The following NTN1 variants were observed in gnomAD, a reference collection of about 807,000 sequenced individuals.
NTN1 encodes netrin 1, also known as netrin-1.
NTN1 carries 11 observed loss-of-function variants against 54.2 expected under a neutral mutation model. The ratio of observed to expected loss-of-function variants is 0.20; its 90% CI spans 0.13 to 0.34. NTN1 has a LOEUF of 0.34. NTN1 is among the 10% of genes least tolerant of loss of function. The pLI is 1.00. For missense variants in NTN1, 740 were observed against 893.1 expected, an observed-to-expected ratio of 0.83 and a Z score of 2.18; for synonymous variants, 371 against 382.0, an observed-to-expected ratio of 0.97 and a Z score of 0.33.
intron 2 of NTN1, among the ~76,000 whole-genome samples, chr17:9,122,267 C>A (rs900491203): frequency 7.9e-5 from 12 of 152,290 alleles, no homozygotes; most frequent in Middle Eastern, 6.8e-3. Context: ...ATCTCCTGAC[C>A]TCATGATCCG....
chr17:9,117,256 C>T (rs1329561263), intron 2 of NTN1, among the ~76,000 whole-genome samples: 1 of 152,138 alleles, frequency 6.6e-6, no homozygotes. Flanking sequence ...GAAGGAGCTG[C>T]CTGGTGGCAG....
intron 6 of NTN1, among the ~76,000 whole-genome samples, chr17:9,224,977 TG>T (rs1310998585): frequency 6.6e-6 from 1 of 152,188 alleles, no homozygotes; most frequent in African/African-American, 2.4e-5. Flanking sequence ...GTTCCAGGAC[TG>T]TTCCTGGGAC....
At chr17:9,090,171 T>C (rs960442091) in intron 2 of NTN1, among the ~76,000 whole-genome samples, 2 of 151,796 alleles carry the variant, frequency 1.3e-5, no homozygotes, top group Admixed American at 6.6e-5. Context: ...TCATCTTTTT[T>C]TTTTTCTTTT....
chr17:9,028,822 AC>A (rs1353434109), intron 2 of NTN1, among the ~76,000 whole-genome samples: 1 of 152,216 alleles, frequency 6.6e-6, no homozygotes, highest in African/African-American at 2.4e-5. Context: ...GATGGCTTCT[AC>A]GGTGTCTGCA....
At chr17:9,142,082 G>A (rs777429152) in intron 2 of NTN1, among the ~76,000 whole-genome samples, 7 of 152,044 alleles carry the variant, frequency 4.6e-5, no homozygotes, top group Non-Finnish European at 7.4e-5. Flanking sequence ...AGCCGAGATC[G>A]TGCCACTGCA....
rs117315393 is a variant in NTN1 at position 9,062,522 on chromosome 17, G to A, written c.1018+39131G>A. On this transcript the variant is annotated intron_variant, in intron 2 of 6. Coordinates refer to ENST00000173229, the MANE Select transcript of NTN1 (RefSeq NM_004822.3). ...TCCTCCAGGTGTGCACTTAACACTCGCTTCTTTGCAGCCAGGGGAACCTTT... is the reference window on the plus strand; with the variant it reads ...TCCTCCAGGTGTGCACTTAACACTCACTTCTTTGCAGCCAGGGGAACCTTT... 6.1e-3 allele frequency among the ~76,000 whole-genome samples: 931 copies of A among 152,140 alleles called. 5 individuals are homozygous for A. The highest frequency in any genetic ancestry group is 9.2e-3 in the Non-Finnish European group (624 of 67,996).
At chr17:9,071,294 T>C (rs1024030020) in intron 2 of NTN1, among the ~76,000 whole-genome samples, 1 of 152,034 alleles carries the variant, frequency 6.6e-6, no homozygotes, top group Non-Finnish European at 1.5e-5. Flanking sequence ...TTCTCAAGCA[T>C]TTAAAGGGAA....
intron 2 of NTN1, among the ~76,000 whole-genome samples, chr17:9,097,573 C>G (rs2092135932): frequency 6.6e-6 from 1 of 151,930 alleles, no homozygotes; most frequent in South Asian, 2.1e-4. Flanking sequence ...TGCATTGAGC[C>G]AAGATCATGC....
At chr17:9,104,565 C>T (rs939343748) in intron 2 of NTN1, among the ~76,000 whole-genome samples, 8 of 152,150 alleles carry the variant, frequency 5.3e-5, no homozygotes, top group Non-Finnish European at 1.0e-4. Context: ...AAGGACCCAG[C>T]GTGACCTTGG....
intron 2 of NTN1, among the ~76,000 whole-genome samples, chr17:9,133,580 C>A (rs1012120979): frequency 6.7e-6 from 1 of 149,810 alleles, no homozygotes; most frequent in Non-Finnish European, 1.5e-5. Flanking sequence ...GGGACCTTCT[C>A]ATTGAATTTT....
intron 5 of NTN1, among the ~76,000 whole-genome samples, chr17:9,214,007 C>CTT (rs564944671): frequency 6.8e-6 from 1 of 147,110 alleles, no homozygotes; most frequent in Non-Finnish European, 1.5e-5. Flanking sequence ...AGTGTTTTGT[C>CTT]TTTTTTTTTT....
intron 5 of NTN1, among the ~76,000 whole-genome samples, chr17:9,200,772 A>C (rs1390458796): frequency 6.6e-6 from 1 of 152,234 alleles, no homozygotes; most frequent in Non-Finnish European, 1.5e-5. Context: ...GCTGAGTAGA[A>C]CATGGAGTTT....
intron 5 of NTN1, among the ~76,000 whole-genome samples, chr17:9,205,744 G>A (rs543725617): frequency 6.6e-6 from 1 of 152,358 alleles, no homozygotes; most frequent in East Asian, 1.9e-4. Context: ...GTCCTGTGCT[G>A]GAGTGGAAGG....
intron 4 of NTN1, among the ~76,000 whole-genome samples, chr17:9,180,511 C>T (rs552181644): frequency 2.4e-4 from 36 of 152,314 alleles, no homozygotes; most frequent in Non-Finnish European, 3.7e-4. Context: ...TCTCCTGTTT[C>T]TGGGGAAAAG....
At chr17:9,123,399 A>G (rs1211372009) in intron 2 of NTN1, among the ~76,000 whole-genome samples, 1 of 152,214 alleles carries the variant, frequency 6.6e-6, no homozygotes, top group Non-Finnish European at 1.5e-5. Context: ...CTTTCCGTCC[A>G]TCTTTTGTCC....
chr17:9,224,891 C>A (rs1905483258), intron 6 of NTN1, among the ~76,000 whole-genome samples: 1 of 152,144 alleles, frequency 6.6e-6, no homozygotes, highest in Admixed American at 6.5e-5. Flanking sequence ...CACCACACTC[C>A]AAGCCTGTGA....
rs1170602853 is a variant in NTN1 at position 9,162,966 on chromosome 17, T to C, written c.1172T>C (p.Met391Thr). ...TGCAAGGAGGGCTACTACCGCGACATGGGCAAGCCCATCACCCACCGGAAG... is the reference window on the plus strand; with the variant it reads ...TGCAAGGAGGGCTACTACCGCGACACGGGCAAGCCCATCACCCACCGGAAG... ...HYCKEGYYRD[M>T]GKPITHRKAC... Residue 391 changes from methionine (M) to threonine (T), a missense_variant, in exon 3 of 7, where the codon ATG becomes ACG. Coordinates refer to ENST00000173229, the MANE Select transcript of NTN1 (RefSeq NM_004822.3). The C allele has an allele frequency of 9.3e-6, 15 of 1,613,076 alleles. No individual in the cohort carries two copies.
intron 2 of NTN1, among the ~76,000 whole-genome samples, chr17:9,075,208 C>T (rs190208565): frequency 9.2e-5 from 14 of 152,278 alleles, no homozygotes; most frequent in Admixed American, 3.3e-4. Flanking sequence ...CAGCTGGGCA[C>T]GGTGGCTCAC....
chr17:9,043,418 A>G (rs1173981596), intron 2 of NTN1, among the ~76,000 whole-genome samples: 1 of 152,200 alleles, frequency 6.6e-6, no homozygotes, highest in Non-Finnish European at 1.5e-5. Flanking sequence ...AGTAGTTAAG[A>G]AATTTAGCTT....
Sources: gnomAD v4.1 joint callset for allele counts (sites outside exome capture counted in the v4.1 genomes callset) on GRCh38, gnomAD v4.1.1 for gene constraint, MANE v1.5 for transcripts, NCBI Gene and HGNC (gene_info 2026-07-23, HGNC 2026-07-21) for gene names.